The following VBP1 variants were observed in gnomAD, a reference collection of about 807,000 sequenced individuals.
The protein encoded by VBP1 is prefoldin subunit 3.
A neutral mutation model predicts 15.5 loss-of-function variants in VBP1; 4 were observed. The observed-to-expected ratio is 0.26, with a 90% CI of 0.13 to 0.59. The LOEUF (loss-of-function observed/expected upper bound fraction) is 0.59, where lower values mean the gene tolerates loss of function less well. Ranked by LOEUF, VBP1 falls within the 20% of genes least tolerant of loss-of-function variation. The pLI, the probability that VBP1 is intolerant of heterozygous loss-of-function variation, is 0.90. For missense variants in VBP1, 108 were observed against 139.6 expected, an observed-to-expected ratio of 0.77 and a Z score of 1.14; for synonymous variants, 61 against 52.1, an observed-to-expected ratio of 1.17 and a Z score of -0.74.
Position 155,202,608 on chromosome X carries a change from C to A in VBP1, c.-31+5469C>A, listed in dbSNP as rs1428269218. On this transcript the variant is annotated intron_variant, in intron 1 of 6. Transcript: ENST00000535916. ...CTTACACCTTATACAAAAATTAATT[C>A]AAGATGGAGTAAAGACTTAAACGTT... Among the ~76,000 whole-genome samples the A allele has an allele frequency of 2.8e-5, 3 of 107,236 alleles. No individual in the cohort carries two copies. The East Asian group carries it at 8.7e-4, about 31-fold the overall frequency. The allele number at this position is 107,236 out of a possible 115,157, so 93.1% of individuals were successfully genotyped here.
At chrX:155,221,487 C>T (rs782188040) in intron 2 of VBP1, among the ~76,000 whole-genome samples, 1 of 111,482 alleles carries the variant, frequency 9.0e-6, no homozygotes, top group African/African-American at 3.3e-5. Context: ...GGCAAAAGTG[C>T]GAGACCCAGT....
chrX:155,199,180 C>T (rs1402030516), intron 1 of VBP1, among the ~76,000 whole-genome samples: 2 of 111,444 alleles, frequency 1.8e-5, no homozygotes, highest in African/African-American at 3.3e-5. Flanking sequence ...TTGGAAAACA[C>T]TCTGCAGGAT....
At chrX:155,217,282 G>C (rs1289030340) in intron 1 of VBP1, among the ~76,000 whole-genome samples, 3 of 112,146 alleles carry the variant, frequency 2.7e-5, no homozygotes, top group African/African-American at 9.7e-5. Flanking sequence ...GTCCTAGAGG[G>C]GATCGGGTTG....
intron 2 of VBP1, among the ~76,000 whole-genome samples, chrX:155,225,744 A>T (rs1224349331): frequency 8.9e-6 from 1 of 112,580 alleles, no homozygotes; most frequent in Non-Finnish European, 1.9e-5. Context: ...TATTTTACAA[A>T]TGTATAACAT....
intron 1 of VBP1, among the ~76,000 whole-genome samples, chrX:155,197,682 G>T (rs950453384): frequency 8.9e-6 from 1 of 111,908 alleles, no homozygotes; most frequent in Non-Finnish European, 1.9e-5. Context: ...CGTGAGTGAC[G>T]CAGAAGACGG....
intron 1 of VBP1, among the ~76,000 whole-genome samples, chrX:155,208,046 C>A (rs2074631936): frequency 8.9e-6 from 1 of 111,798 alleles, no homozygotes; most frequent in Admixed American, 9.5e-5. Flanking sequence ...CATATTTCCT[C>A]AATCAGTGAG....
At chrX:155,238,130 A>G (rs1384200148) in intron 5 of VBP1, among the ~76,000 whole-genome samples, 1 of 112,301 alleles carries the variant, frequency 8.9e-6, no homozygotes, top group Non-Finnish European at 1.9e-5. Context: ...GATGAGTCCT[A>G]CAAGCTTAGT....
intron 1 of VBP1, among the ~76,000 whole-genome samples, chrX:155,198,113 G>A (rs928446193): frequency 2.7e-5 from 3 of 112,838 alleles, no homozygotes; most frequent in East Asian, 2.8e-4. Flanking sequence ...CAGGAAGCTC[G>A]AACTGGGTGG....
chrX:155,209,063 T>G (rs2074635870), intron 2 of VBP1: 1 of 882,988 alleles, frequency 1.1e-6, no homozygotes, highest in Non-Finnish European at 1.6e-6. Context: ...AATGGAGTTT[T>G]GCAACATAGC....
At chrX:155,216,320 G>C, upstream of VBP1, 3 of 1,067,061 alleles carry the variant, frequency 2.8e-6, no homozygotes, top group Non-Finnish European at 3.7e-6. Context: ...TAGAGGTTGG[G>C]CTACTTTCGG....
intron 2 of VBP1, among the ~76,000 whole-genome samples, chrX:155,224,402 C>T (rs2074709409): frequency 8.8e-6 from 1 of 113,016 alleles, no homozygotes; most frequent in African/African-American, 3.2e-5. Flanking sequence ...GAGCTGGAGA[C>T]CAGCCCGGCC....
chrX:155,214,762 C>CT (rs2074656371), upstream of VBP1, among the ~76,000 whole-genome samples: 1 of 58,286 alleles, frequency 1.7e-5, no homozygotes. Context: ...TTTTTTTTTT[C>CT]TTTTCCTTTT....
At chrX:155,232,778 T>C (rs1294912756) in intron 4 of VBP1, among the ~76,000 whole-genome samples, 2 of 113,015 alleles carry the variant, frequency 1.8e-5, no homozygotes, top group African/African-American at 6.4e-5. Flanking sequence ...GCAGAACATA[T>C]GCATTGCCTA....
At chrX:155,226,288 AC>A (rs1557310250) in intron 2 of VBP1, among the ~76,000 whole-genome samples, 1 of 111,849 alleles carries the variant, frequency 8.9e-6, no homozygotes, top group Non-Finnish European at 1.9e-5. Context: ...TTTTTAGCAT[AC>A]TGTTTTTCTC....
At chrX:155,219,813 G>A (rs1316865062) in intron 1 of VBP1, among the ~76,000 whole-genome samples, 1 of 110,145 alleles carries the variant, frequency 9.1e-6, no homozygotes, top group Non-Finnish European at 1.9e-5. Flanking sequence ...ATAACTACAG[G>A]TTGAGCATCC....
intron 1 of VBP1, among the ~76,000 whole-genome samples, chrX:155,219,269 C>G (rs140201065): frequency 0.014 from 1,537 of 112,311 alleles, 17 homozygotes; most frequent in Middle Eastern, 0.019. Flanking sequence ...CTAGACGACT[C>G]TTGTAGCATC....
intron 2 of VBP1, among the ~76,000 whole-genome samples, chrX:155,222,397 C>T (rs782630854): frequency 2.0e-4 from 22 of 111,194 alleles, no homozygotes; most frequent in African/African-American, 7.2e-4. Flanking sequence ...ATTGCTTAAG[C>T]CAGGGAGGTT....
chrX:155,238,471 CGA>C (rs1397629044), intron 5 of VBP1, among the ~76,000 whole-genome samples: 2 of 111,930 alleles, frequency 1.8e-5, no homozygotes, highest in Non-Finnish European at 3.8e-5. Flanking sequence ...TTAAAACTAT[CGA>C]GAGTGTCTAG....
At chrX:155,211,126 T>C (rs1447877019) in intron 2 of VBP1, among the ~76,000 whole-genome samples, 1 of 111,979 alleles carries the variant, frequency 8.9e-6, no homozygotes, top group Non-Finnish European at 1.9e-5. Flanking sequence ...TTCCAATGTG[T>C]AGGCAAAAGC....
Sources: allele counts gnomAD v4.1 joint callset (sites outside exome capture counted in the v4.1 genomes callset), GRCh38; gene constraint gnomAD v4.1.1; transcripts MANE v1.5; gene names NCBI Gene and HGNC (gene_info 2026-07-23, HGNC 2026-07-21).